Variants in RPGRIP1L observed in about 807,000 individuals in gnomAD.
RPGRIP1L encodes protein fantom.
RPGRIP1L carries 131 observed loss-of-function variants against 160.4 expected under a neutral mutation model. The observed-to-expected ratio is 0.82, with a 90% CI of 0.71 to 0.94. RPGRIP1L has a LOEUF of 0.94. Among genes scored for constraint, RPGRIP1L ranks in the 40% least tolerant of loss-of-function variants. The probability of loss-of-function intolerance (pLI) is 0.00; values close to 1 mark genes in which losing one functional copy is unlikely to be tolerated. For synonymous variants in RPGRIP1L, 510 were observed against 515.8 expected (o/e 0.99, Z 0.15); for missense variants, 1,522 against 1,535.8 (o/e 0.99, Z 0.15).
intron 19 of RPGRIP1L, 80 bp downstream of exon 19, chr16:53,640,953 G>T (rs982387007): frequency 2.1e-6 from 2 of 969,084 alleles, no homozygotes; most frequent in African/African-American, 3.2e-5. Context: ...ATTTAAATCA[G>T]GTAGGGAATA....
At chr16:53,664,180 C>A (rs751650982) in intron 10 of RPGRIP1L, among the ~76,000 whole-genome samples, 10 of 152,158 alleles carry the variant, frequency 6.6e-5, no homozygotes, top group Non-Finnish European at 1.3e-4. Context: ...GTGTGTGTAA[C>A]ACAGTAAAAT....
intron 4 of RPGRIP1L, among the ~76,000 whole-genome samples, chr16:53,691,797 C>T (rs555834216): frequency 3.2e-4 from 48 of 152,266 alleles, no homozygotes; most frequent in African/African-American, 1.1e-3. Flanking sequence ...TTTAACCAAC[C>T]CAAACGCAAT....
At chr16:53,615,588 C>G (rs1299504263) in intron 24 of RPGRIP1L, among the ~76,000 whole-genome samples, 2 of 150,726 alleles carry the variant, frequency 1.3e-5, no homozygotes, top group Admixed American at 6.6e-5. Flanking sequence ...ATTCTCCTGC[C>G]TCAGCCTCCT....
chr16:53,641,116 C>G lies in RPGRIP1L; in HGVS notation c.2875G>C (p.Ala959Pro). ...CGTTGTCTTGGTTTAGGTCTTGGTG[C>G]CTAAGACAAACCAACCAATGTGTCA... ...PASSVSTLVL[A>P]PRPKPRQRLT... Residue 959 changes from alanine to proline, a missense_variant and splice_region_variant, in exon 19 of 27, where the codon GCA becomes CCA. Physicochemically the swap from Ala to Pro is conservative, Grantham distance 27. Coordinates refer to ENST00000647211, the MANE Select transcript of RPGRIP1L (RefSeq NM_015272.5). The G allele has an allele frequency of 1.2e-6, 2 of 1,612,694 alleles. No individual in the cohort carries two copies. Among genetic ancestry groups the G allele is most frequent in the Non-Finnish European group, 1.7e-6 (2 of 1,178,904 alleles).
At chr16:53,665,190 A>G (rs1437734528) in intron 9 of RPGRIP1L, among the ~76,000 whole-genome samples, 181 bp from the exon 10 acceptor site, 5 of 152,220 alleles carry the variant, frequency 3.3e-5, no homozygotes, top group African/African-American at 2.4e-5. Flanking sequence ...GTTAGGGAAC[A>G]TGAAAGAGTT....
chr16:53,691,172 T>A (rs1970362268), intron 4 of RPGRIP1L, among the ~76,000 whole-genome samples: 1 of 151,628 alleles, frequency 6.6e-6, no homozygotes, highest in South Asian at 2.1e-4. Context: ...TTTACATCCC[T>A]AAAAATGTTT....
intron 1 of RPGRIP1L, chr16:53,701,863 A>G (rs1449428472): frequency 3.9e-5 from 6 of 152,166 alleles, no homozygotes; most frequent in Non-Finnish European, 8.8e-5. Flanking sequence ...AAGAGGGTTC[A>G]TAACTTTTAT....
rs766357656 is a variant in RPGRIP1L, at chr16:53,645,786, T to C, written c.2522A>G (p.His841Arg). 122 of 1,614,194 alleles carry C rather than the reference T, an allele frequency of 7.6e-5. 7 individuals are homozygous for C. The South Asian group carries it at 1.2e-3, about 16-fold the overall frequency. ...ATTCATTGGCACTGGGAAATACATA[T>C]GATCATCAAACTGTGGATCATTGCT... is the stretch of plus-strand genomic sequence containing the variant. The part of the protein sequence containing the change: ...PSSNDPQFDD[H>R]MYFPVPMNMD... The change falls in exon 17 of 27, where the codon CAT becomes CGT. Residue 841 changes from histidine (H) to arginine (R), a missense_variant. By Grantham distance (29) the His-to-Arg change is conservative (BLOSUM62 0). Coordinates refer to ENST00000647211, the MANE Select transcript of RPGRIP1L (RefSeq NM_015272.5).
intron 25 of RPGRIP1L, among the ~76,000 whole-genome samples, chr16:53,608,408 T>C (rs1963819114): frequency 6.6e-6 from 1 of 152,212 alleles, no homozygotes; most frequent in Non-Finnish European, 1.5e-5. Flanking sequence ...TCATCATCTG[T>C]CTTCCTCAGG....
At chr16:53,623,804 T>C (rs1964896532) in intron 22 of RPGRIP1L, among the ~76,000 whole-genome samples, 1 of 152,216 alleles carries the variant, frequency 6.6e-6, no homozygotes, top group Non-Finnish European at 1.5e-5. Context: ...ATCTTACTCA[T>C]TTTTTGCTAC....
At chr16:53,632,690 C>T (rs1965595699) in intron 22 of RPGRIP1L, among the ~76,000 whole-genome samples, 1 of 152,178 alleles carries the variant, frequency 6.6e-6, no homozygotes. Context: ...TAGGCTTGGC[C>T]CATCCTGAAA....
chr16:53,642,334 C>A (rs1380929013), intron 17 of RPGRIP1L, among the ~76,000 whole-genome samples: 1 of 152,006 alleles, frequency 6.6e-6, no homozygotes, highest in East Asian at 1.9e-4. Context: ...GCTGGGACTA[C>A]AGGCACCGGC....
rs757576557 is a variant in RPGRIP1L at position 53,637,790 on chromosome 16, T to C, written c.3125A>G (p.Asp1042Gly). 1.9e-6 allele frequency: 3 copies of C among 1,613,398 alleles called. No individual in the cohort carries two copies. The highest frequency in any genetic ancestry group is 2.5e-6 in the Non-Finnish European group (3 of 1,179,774). ...ENTEKMQQGK[D>G]DVSLLSEGQL... ...ACCTTCAGATAGTAAAGACACATCA[T>C]CTTTTCCTTGCTGCATTTTCTCAGT... The change falls in exon 21 of 27, where the codon GAT becomes GGT. Residue 1042 changes from aspartate (D) to glycine (G), a missense_variant. Physicochemically the swap from Asp to Gly is moderately conservative, Grantham distance 94. Coordinates refer to ENST00000647211, the MANE Select transcript of RPGRIP1L (RefSeq NM_015272.5).
At chr16:53,646,040 A>G (rs1372425199) in intron 16 of RPGRIP1L, 37 bp from the exon 17 acceptor site, 16 of 1,603,830 alleles carry the variant, frequency 1.0e-5, no homozygotes, top group Non-Finnish European at 1.4e-5. Flanking sequence ...AGGAAATAAC[A>G]CAGTTAAAAG....
chr16:53,640,534 T>C (rs1272285102), intron 19 of RPGRIP1L, among the ~76,000 whole-genome samples: 29 of 151,748 alleles, frequency 1.9e-4, no homozygotes, highest in Admixed American at 1.9e-3. Flanking sequence ...AGTATAACAG[T>C]AAAGTTGGAG....
intron 14 of RPGRIP1L, among the ~76,000 whole-genome samples, chr16:53,653,788 C>T (rs1448124793): frequency 3.3e-5 from 5 of 152,158 alleles, no homozygotes; most frequent in African/African-American, 4.8e-5. Context: ...CATGAGTGAT[C>T]TCATCAACTT....
intron 15 of RPGRIP1L, among the ~76,000 whole-genome samples, chr16:53,651,039 G>C (rs1204928138): frequency 6.6e-6 from 1 of 152,092 alleles, no homozygotes; most frequent in African/African-American, 2.4e-5. Context: ...AGATTGGTGT[G>C]TCCAGCCACC....
intron 4 of RPGRIP1L, among the ~76,000 whole-genome samples, chr16:53,688,210 CTAGAAA>C (rs891298211): frequency 6.6e-6 from 1 of 151,960 alleles, no homozygotes; most frequent in African/African-American, 2.4e-5. Flanking sequence ...ATCAAATTAC[CTAGAAA>C]TAATTTTATT....
intron 24 of RPGRIP1L, 86 bp downstream of exon 24, chr16:53,618,939 A>G: frequency 8.8e-7 from 1 of 1,133,678 alleles, no homozygotes; most frequent in Non-Finnish European, 1.3e-6. Context: ...TATTAGAGAA[A>G]TAAACTTTCT....
Sources: allele counts gnomAD v4.1 joint callset (sites outside exome capture counted in the v4.1 genomes callset), GRCh38; gene constraint gnomAD v4.1.1; transcripts MANE v1.5; gene names NCBI Gene and HGNC (gene_info 2026-07-23, HGNC 2026-07-21).